Variants in ELAPOR2 observed in about 807,000 individuals in gnomAD.
ELAPOR2 encodes the protein endosome/lysosome-associated apoptosis and autophagy regulator family member 2.
In ELAPOR2, 89 loss-of-function variants were observed where a neutral mutation model predicts 120.7. The observed-to-expected ratio is 0.74, with a 90% CI of 0.62 to 0.88. The LOEUF (loss-of-function observed/expected upper bound fraction) is 0.88, where lower values mean the gene tolerates loss of function less well. Ranked by LOEUF, ELAPOR2 falls within the 40% of genes least tolerant of loss-of-function variation. The pLI is 0.00. For synonymous variants in ELAPOR2, 444 were observed against 444.9 expected (o/e 1.00, Z 0.03); for missense variants, 1,134 against 1,251.6 (o/e 0.91, Z 1.42).
chr7:86,999,187 T>C (rs537316399), intron 1 of ELAPOR2, among the ~76,000 whole-genome samples: 7 of 152,276 alleles, frequency 4.6e-5, no homozygotes, highest in African/African-American at 1.7e-4. Context: ...TCCCCGTGCT[T>C]TCCTTGGCAT....
At chr7:86,988,135 C>T (rs756935052) in intron 1 of ELAPOR2, among the ~76,000 whole-genome samples, 30 of 152,014 alleles carry the variant, frequency 2.0e-4, no homozygotes, top group Non-Finnish European at 2.8e-4. Flanking sequence ...CTCATACTTG[C>T]GAACTGAACA....
At chr7:86,998,640 T>C (rs922805354) in intron 1 of ELAPOR2, among the ~76,000 whole-genome samples, 2 of 152,194 alleles carry the variant, frequency 1.3e-5, no homozygotes, top group African/African-American at 4.8e-5. Flanking sequence ...ACCCCGGTCA[T>C]GACAATGAAA....
chr7:87,043,762 C>G (rs1408375833), intron 1 of ELAPOR2, among the ~76,000 whole-genome samples: 1 of 151,452 alleles, frequency 6.6e-6, no homozygotes, highest in African/African-American at 2.4e-5. Context: ...CTGGCCAGGG[C>G]AATCAGGCAG....
chr7:86,964,044 C>G (rs1791815937), intron 2 of ELAPOR2, among the ~76,000 whole-genome samples: 1 of 152,210 alleles, frequency 6.6e-6, no homozygotes, highest in Non-Finnish European at 1.5e-5. Flanking sequence ...GAGGAATGCT[C>G]TCTATGAATA....
At chr7:86,906,490 A>G (rs984005864) in intron 18 of ELAPOR2, among the ~76,000 whole-genome samples, 1 of 152,120 alleles carries the variant, frequency 6.6e-6, no homozygotes, top group Non-Finnish European at 1.5e-5. Context: ...ATACTGTGTT[A>G]CCCCTGTAAC....
intron 1 of ELAPOR2, among the ~76,000 whole-genome samples, chr7:87,004,592 T>C (rs897007938): frequency 6.6e-6 from 1 of 152,164 alleles, no homozygotes; most frequent in African/African-American, 2.4e-5. Context: ...CCCTGTCATC[T>C]GCCATTATTC....
At chr7:86,955,434 G>C (rs976730976) in intron 2 of ELAPOR2, among the ~76,000 whole-genome samples, 2 of 151,914 alleles carry the variant, frequency 1.3e-5, no homozygotes, top group Admixed American at 6.6e-5. Flanking sequence ...AACATACAAG[G>C]CAACAATGAA....
chr7:86,951,133 C>T (rs1163012670), intron 2 of ELAPOR2, among the ~76,000 whole-genome samples: 1 of 152,132 alleles, frequency 6.6e-6, no homozygotes, highest in Non-Finnish European at 1.5e-5. Flanking sequence ...CAGCTCACTA[C>T]CTGCTTTTGT....
Position 86,912,953 on chromosome 7 carries a change from A to G in ELAPOR2, c.1983T>C (p.Ser661=), listed in dbSNP as rs1334237600. The G allele has an allele frequency of 3.1e-6, 5 of 1,613,704 alleles. No homozygotes were observed. In the African/African-American group the frequency reaches 6.7e-5, roughly 22 times the overall value. ...KEACIPCGPG[S]KNNQDHSVCY... ...CAGACCCACTTACCTGATTGTTTTT[A>G]CTCCCAGGCCCGCATGGAATACAAG... The change falls in exon 14 of 22, where the codon AGT becomes AGC. Residue 661 remains serine, a synonymous_variant. Transcript: ENST00000450689.
At chr7:86,965,850 T>C (rs1268115036) in intron 1 of ELAPOR2, 1 of 985,294 alleles carries the variant, frequency 1.0e-6, no homozygotes, top group African/African-American at 1.7e-5. Context: ...GTTATTCTGC[T>C]GCATCCACAC....
At chr7:87,050,443 A>AAG (rs1222305376) in intron 1 of ELAPOR2, among the ~76,000 whole-genome samples, 40 of 152,180 alleles carry the variant, frequency 2.6e-4, no homozygotes, top group Non-Finnish European at 3.8e-4. Context: ...TGCTTTTACC[A>AAG]TGTGATGTCC....
chr7:87,004,235 G>A (rs965791202), intron 1 of ELAPOR2, among the ~76,000 whole-genome samples: 1 of 152,100 alleles, frequency 6.6e-6, no homozygotes, highest in Non-Finnish European at 1.5e-5. Flanking sequence ...GATGGGTGGG[G>A]GACAACAAAG....
Position 86,926,759 on chromosome 7 carries a change from C to G in ELAPOR2, c.1247G>C (p.Gly416Ala). The G allele has an allele frequency of 6.2e-7, 1 of 1,609,194 alleles. No homozygotes were observed. The highest frequency in any genetic ancestry group is 8.5e-7 in the Non-Finnish European group (1 of 1,177,680). ...GSSSCHPCPP[G>A]TFSDGTKECR... The stretch of plus-strand genomic sequence containing the variant: ...ACCTTTGGTTCCATCTGAAAATGTT[C>G]CAGGAGGACAGGGATGGCAAGAAGA... The change falls in exon 9 of 22, where the codon GGA becomes GCA. Residue 416 changes from glycine to alanine, a missense_variant. Gly to Ala is a moderately conservative substitution (Grantham distance 60, BLOSUM62 0). This residue lies in a region of ELAPOR2 where 831 missense variants were observed against 867.6 expected (regional missense o/e 0.96). Transcript: ENST00000450689.
At position 86,879,351 on chromosome 7, in the gene ELAPOR2, A is replaced by G. The variant is rs964096359; in HGVS notation, c.*1120T>C. On this transcript the variant is annotated 3_prime_UTR_variant, in exon 22 of 22. Transcript: ENST00000450689. The stretch of plus-strand genomic sequence containing the variant: ...TTTGAATAAGAACAATAATTCTTTC[A>G]TAACTGCTTATGAAATAACCACATT... The G allele has an allele frequency of 1.3e-5, 2 of 152,222 alleles. No individual in the cohort carries two copies. The highest frequency in any genetic ancestry group is 4.8e-5 in the African/African-American group (2 of 41,466). 9.4% of individuals were successfully genotyped at this position (152,222 alleles called of 1,614,324 possible).
intron 19 of ELAPOR2, among the ~76,000 whole-genome samples, chr7:86,896,298 G>A (rs1467663052): frequency 6.6e-6 from 1 of 152,026 alleles, no homozygotes; most frequent in Non-Finnish European, 1.5e-5. Context: ...ATTTGTGTGT[G>A]TGTGTGCTGG....
chr7:86,959,314 C>G (rs1206379594), intron 2 of ELAPOR2, among the ~76,000 whole-genome samples: 1 of 152,054 alleles, frequency 6.6e-6, no homozygotes, highest in Non-Finnish European at 1.5e-5. Context: ...CCTTTTATTT[C>G]TTTTTCTTGC....
intron 1 of ELAPOR2, chr7:86,965,795 T>G: frequency 1.0e-6 from 1 of 984,732 alleles, no homozygotes; most frequent in South Asian, 4.7e-5. Context: ...CCCAAATTGT[T>G]TTCAGTTCAA....
At chr7:87,015,084 G>A (rs1346314128) in intron 1 of ELAPOR2, among the ~76,000 whole-genome samples, 1 of 151,916 alleles carries the variant, frequency 6.6e-6, no homozygotes, top group Non-Finnish European at 1.5e-5. Flanking sequence ...AAATAAATTT[G>A]CACATGCTAA....
chr7:86,946,350 A>G lies in ELAPOR2; in HGVS notation c.507-1304T>C, dbSNP rs190751456. Among the ~76,000 whole-genome samples, 4 of 152,334 alleles carry G rather than the reference A, an allele frequency of 2.6e-5. No individual in the cohort carries two copies. In the East Asian group the frequency reaches 7.7e-4, roughly 29 times the overall value. On this transcript the variant is annotated intron_variant, in intron 3 of 21. Transcript: ENST00000450689. ...GCTCAGACTTTTTAGAAAGTTCAAC[A>G]TACATCTCCTATATGACACAACTAA...
Sources: gnomAD v4.1 joint callset for allele counts (sites outside exome capture counted in the v4.1 genomes callset) on GRCh38, gnomAD v4.1.1 for gene constraint, gnomAD v4.1.1 regional missense constraint, MANE v1.5 for transcripts, NCBI Gene and HGNC (gene_info 2026-07-23, HGNC 2026-07-21) for gene names.